The following FOXP1 variants were observed in gnomAD, a reference collection of about 807,000 sequenced individuals.
FOXP1 encodes the protein forkhead box protein P1.
A neutral mutation model predicts 98.2 loss-of-function variants in FOXP1; 15 were observed. That is an observed-to-expected ratio of 0.15 (90% CI 0.10 to 0.24). The LOEUF (loss-of-function observed/expected upper bound fraction) is 0.24. Ranked by LOEUF, FOXP1 falls within the 10% of genes least tolerant of loss-of-function variation. FOXP1 has a pLI of 1.00. For synonymous variants in FOXP1, 371 were observed against 314.5 expected (o/e 1.18, Z -1.90); for missense variants, 633 against 848.5 (o/e 0.75, Z 3.15).
At chr3:71,022,287 T>A (rs1404411431) in intron 11 of FOXP1, among the ~76,000 whole-genome samples, 4 of 152,224 alleles carry the variant, frequency 2.6e-5, no homozygotes, top group Non-Finnish European at 5.9e-5. Context: ...TGGCATTTTT[T>A]AAATTTCACT....
At chr3:71,381,141 A>G (rs530494756) in intron 3 of FOXP1, among the ~76,000 whole-genome samples, 63 of 148,682 alleles carry the variant, frequency 4.2e-4, no homozygotes, top group African/African-American at 1.4e-3. Context: ...AACCTGAGAC[A>G]TGAGGTTCTC....
intron 11 of FOXP1, among the ~76,000 whole-genome samples, chr3:71,038,889 C>T (rs953018119): frequency 4.6e-5 from 7 of 152,120 alleles, no homozygotes; most frequent in African/African-American, 1.2e-4. Flanking sequence ...TAGTCTTGAA[C>T]TCCTGGCCTC....
intron 6 of FOXP1, among the ~76,000 whole-genome samples, chr3:71,116,505 G>A (rs2107783285): frequency 6.6e-6 from 1 of 152,288 alleles, no homozygotes; most frequent in African/African-American, 2.4e-5. Context: ...GGGATGGAGA[G>A]ACAACACTAG....
chr3:71,427,742 G>T (rs1345575378), intron 3 of FOXP1, among the ~76,000 whole-genome samples: 1 of 152,174 alleles, frequency 6.6e-6, no homozygotes, highest in African/African-American at 2.4e-5. Context: ...TGAGGGGTGA[G>T]GGGTCAAAAA....
chr3:71,548,248 C>T (rs533622539), intron 2 of FOXP1, among the ~76,000 whole-genome samples: 1 of 152,278 alleles, frequency 6.6e-6, no homozygotes, highest in South Asian at 2.1e-4. Context: ...AGGTTGAATG[C>T]AAGATCCAGC....
At chr3:70,976,083 TCTGTTGCC>T (rs2037451321) in intron 17 of FOXP1, among the ~76,000 whole-genome samples, 1 of 147,846 alleles carries the variant, frequency 6.8e-6, no homozygotes, top group Non-Finnish European at 1.5e-5. Flanking sequence ...AGGGTCTTGC[TCTGTTGCC>T]CAGGCTGGAG....
At chr3:71,447,714 C>A (rs542718777) in intron 3 of FOXP1, among the ~76,000 whole-genome samples, 1 of 152,278 alleles carries the variant, frequency 6.6e-6, no homozygotes, top group South Asian at 2.1e-4. Context: ...AGAAGCAAAG[C>A]CCTTCTAAAA....
intron 5 of FOXP1, among the ~76,000 whole-genome samples, chr3:71,259,980 C>A (rs1196992288): frequency 2.6e-5 from 4 of 151,884 alleles, no homozygotes; most frequent in Non-Finnish European, 4.4e-5. Flanking sequence ...TAACCAGGGA[C>A]ACTTTCTTTT....
intron 4 of FOXP1, among the ~76,000 whole-genome samples, chr3:71,318,540 T>C (rs1172623833): frequency 6.6e-6 from 1 of 152,228 alleles, no homozygotes; most frequent in Non-Finnish European, 1.5e-5. Context: ...GAGAACACAT[T>C]TATTTAATAA....
intron 6 of FOXP1, among the ~76,000 whole-genome samples, chr3:71,192,262 G>C (rs1489054319): frequency 6.6e-6 from 1 of 152,136 alleles, no homozygotes; most frequent in Non-Finnish European, 1.5e-5. Context: ...AGAATGGTAC[G>C]GCCAATCCAG....
chr3:71,320,404 CT>C (rs1429931170), intron 4 of FOXP1, among the ~76,000 whole-genome samples: 4 of 151,950 alleles, frequency 2.6e-5, no homozygotes, highest in Admixed American at 2.6e-4. Context: ...CATACACACC[CT>C]GTACAGTCTT....
intron 5 of FOXP1, among the ~76,000 whole-genome samples, chr3:71,247,028 T>A (rs1364513778): frequency 2.6e-5 from 4 of 152,170 alleles, no homozygotes; most frequent in African/African-American, 9.7e-5. Flanking sequence ...GCTCTCAGCA[T>A]AAGTGTTTTT....
At chr3:71,019,489 G>C (rs1180652299) in intron 11 of FOXP1, among the ~76,000 whole-genome samples, 1 of 152,100 alleles carries the variant, frequency 6.6e-6, no homozygotes, top group Non-Finnish European at 1.5e-5. Context: ...TATTCCTAGG[G>C]GCAGGGATCA....
Position 71,198,392 on chromosome 3 carries a change from C to A in FOXP1, c.-11G>T, listed in dbSNP as rs761520110. ...AGATTCTTGCATCATGACTCAAAAA[C>A]CTGATACAAGGATTTCCAAGATGGG... On this transcript the variant is annotated splice_region_variant and 5_prime_UTR_variant, in exon 6 of 21. Transcript: ENST00000649528. The A allele has an allele frequency of 6.3e-7, 1 of 1,581,670 alleles. No individual in the cohort carries two copies. The highest frequency in any genetic ancestry group is 1.7e-5 in the Admixed American group (1 of 57,534).
chr3:71,099,248 C>T (rs1425681283), intron 7 of FOXP1, among the ~76,000 whole-genome samples: 1 of 152,148 alleles, frequency 6.6e-6, no homozygotes, highest in Admixed American at 6.5e-5. Context: ...CAGTGGCTCA[C>T]GCCTATAATC....
intron 5 of FOXP1, among the ~76,000 whole-genome samples, chr3:71,260,171 G>A (rs1479003190): frequency 1.3e-5 from 2 of 152,104 alleles, no homozygotes; most frequent in Non-Finnish European, 2.9e-5. Flanking sequence ...TTTTAGTACA[G>A]GCGGGGTTTC....
Position 71,581,587 on chromosome 3 carries a change from C to T in FOXP1, c.-336G>A. On this transcript the variant is annotated 5_prime_UTR_variant, in exon 2 of 21. It adds an upstream start codon to the 5' untranslated region. Coordinates refer to ENST00000649528, the MANE Select transcript of FOXP1 (RefSeq NM_001349338.3). ...GGAGGGAGTAGGAGCGCCGCCTTCA[C>T]GCCCGCGGAGGAGGCGCCGGCAGCA... is the stretch of plus-strand genomic sequence containing the variant. 3.0e-6 allele frequency: 3 copies of T among 985,570 alleles called. No individual in the cohort carries two copies. Among genetic ancestry groups the T allele is most frequent in the Non-Finnish European group, 3.6e-6 (3 of 830,018 alleles). 61.1% of individuals were successfully genotyped at this position (985,570 alleles called of 1,614,324 possible).
intron 5 of FOXP1, among the ~76,000 whole-genome samples, chr3:71,282,125 C>G (rs1288826): frequency 2.6e-5 from 4 of 151,728 alleles, no homozygotes; most frequent in African/African-American, 7.3e-5. Context: ...TGTAACAAAG[C>G]TAAGTGAAGA....
At chr3:71,263,971 G>C (rs2069405930) in intron 5 of FOXP1, among the ~76,000 whole-genome samples, 1 of 150,560 alleles carries the variant, frequency 6.6e-6, no homozygotes, top group Admixed American at 6.6e-5. Context: ...GGCTGGTCTC[G>C]AACTCTTGGC....
Sources: allele counts gnomAD v4.1 joint callset (sites outside exome capture counted in the v4.1 genomes callset), GRCh38; gene constraint gnomAD v4.1.1; transcripts MANE v1.5; gene names NCBI Gene and HGNC (gene_info 2026-07-23, HGNC 2026-07-21).